The following OXR1 variants were observed in gnomAD, a reference collection of about 807,000 sequenced individuals.
OXR1 encodes the protein oxidation resistance protein 1.
OXR1 carries 41 observed loss-of-function variants against 104.6 expected under a neutral mutation model. The ratio of observed to expected loss-of-function variants is 0.39; its 90% CI spans 0.31 to 0.51. The LOEUF is 0.51. OXR1 is among the 20% of genes least tolerant of loss of function. The pLI is 0.77. For missense variants in OXR1, 955 were observed against 1,031.9 expected, an observed-to-expected ratio of 0.93 and a Z score of 1.02; for synonymous variants, 348 against 348.4, an observed-to-expected ratio of 1.00 and a Z score of 0.01.
intron 2 of OXR1, among the ~76,000 whole-genome samples, chr8:106,384,146 A>G (rs1366786362): frequency 6.6e-6 from 1 of 152,206 alleles, no homozygotes; most frequent in East Asian, 1.9e-4. Context: ...GTAAATAAAA[A>G]TAGAACTGCA....
chr8:106,542,949 TA>T (rs1815072837), intron 3 of OXR1, among the ~76,000 whole-genome samples: 2 of 152,184 alleles, frequency 1.3e-5, no homozygotes, highest in African/African-American at 4.8e-5. Flanking sequence ...TATGCTATAT[TA>T]TTTTTTGCCC....
At chr8:106,573,344 T>TACAC (rs3046716) in intron 3 of OXR1, among the ~76,000 whole-genome samples, 20,090 of 146,578 alleles carry the variant, frequency 0.14, 1,538 homozygotes, top group East Asian at 0.31. Context: ...AACCATCACA[T>TACAC]ACACACACAC....
At chr8:106,380,840 A>G (rs367908693) in intron 2 of OXR1, among the ~76,000 whole-genome samples, 1 of 152,328 alleles carries the variant, frequency 6.6e-6, no homozygotes, top group East Asian at 1.9e-4. Context: ...AGTTCTTCAT[A>G]TCTTTTAGAT....
chr8:106,585,015 G>C (rs62514878), intron 3 of OXR1, among the ~76,000 whole-genome samples: 11,898 of 152,132 alleles, frequency 0.078, 594 homozygotes, highest in Middle Eastern at 0.18. Flanking sequence ...AACTTATAAA[G>C]AGACAAAACA....
At chr8:106,490,549 G>A (rs1441705387) in intron 2 of OXR1, among the ~76,000 whole-genome samples, 1 of 152,046 alleles carries the variant, frequency 6.6e-6, no homozygotes, top group Non-Finnish European at 1.5e-5. Context: ...TATTTTTAGG[G>A]AAGATGGGGT....
At chr8:106,638,985 C>G (rs1823403311) in intron 3 of OXR1, among the ~76,000 whole-genome samples, 1 of 151,594 alleles carries the variant, frequency 6.6e-6, no homozygotes, top group African/African-American at 2.4e-5. Flanking sequence ...TTCAGCAGCT[C>G]ATGAATGGGA....
At chr8:106,673,278 A>G (rs1293169851) in intron 3 of OXR1, among the ~76,000 whole-genome samples, 4 of 152,220 alleles carry the variant, frequency 2.6e-5, no homozygotes, top group Non-Finnish European at 5.9e-5. Flanking sequence ...GGCTCTTGCT[A>G]TGCTTTACAA....
rs116521833 is a variant in OXR1, at chr8:106,634,135, G to A, written c.221-45075G>A. On this transcript the variant is annotated intron_variant, in intron 3 of 16. Transcript: ENST00000517566. ...CTCTTTGAAAGACTTACTTGAATGC[G>A]TTAACATAAGATTTTTTGAAAGTCT... Among the ~76,000 whole-genome samples the A allele has an allele frequency of 7.8e-3, 1,185 of 152,222 alleles. 16 individuals carry two copies. The highest frequency in any genetic ancestry group is 0.027 in the African/African-American group (1,123 of 41,530).
At chr8:106,390,001 G>A (rs1817530278) in intron 2 of OXR1, among the ~76,000 whole-genome samples, 1 of 152,144 alleles carries the variant, frequency 6.6e-6, no homozygotes, top group Non-Finnish European at 1.5e-5. Context: ...GGGAGGTAGA[G>A]GTTGCAGTGA....
At chr8:106,437,682 T>C (rs143333442) in intron 2 of OXR1, among the ~76,000 whole-genome samples, 160 of 152,290 alleles carry the variant, frequency 1.1e-3, no homozygotes, top group African/African-American at 3.6e-3. Flanking sequence ...GGGTTCTAAC[T>C]TTCTGAGATG....
chr8:106,373,223 G>T (rs1816778635), intron 2 of OXR1, among the ~76,000 whole-genome samples: 2 of 152,136 alleles, frequency 1.3e-5, no homozygotes, highest in Admixed American at 1.3e-4. Flanking sequence ...GGTAGGACCT[G>T]GAACCAATCC....
intron 2 of OXR1, among the ~76,000 whole-genome samples, chr8:106,378,534 A>G (rs1817000707): frequency 6.6e-6 from 1 of 152,118 alleles, no homozygotes; most frequent in Non-Finnish European, 1.5e-5. Flanking sequence ...TTTGAGACGG[A>G]GTTTCACTGT....
rs190830577 is a variant in OXR1 at position 106,472,612 on chromosome 8, A to G, written c.24-46331A>G. Among the ~76,000 whole-genome samples the G allele has an allele frequency of 1.1e-3, 174 of 152,034 alleles. No individual in the cohort carries two copies. In the Middle Eastern group the frequency reaches 0.017, roughly 15 times the overall value. On this transcript the variant is annotated intron_variant, in intron 2 of 16. Coordinates refer to ENST00000517566, the MANE Select transcript of OXR1 (RefSeq NM_001198533.2). ...CAAATTTACTGCTACAGTAAAAGGT[A>G]TGTCTACATGCAGACAACTTGCTAT...
At chr8:106,504,107 A>G (rs1388108526) in intron 2 of OXR1, among the ~76,000 whole-genome samples, 3 of 152,228 alleles carry the variant, frequency 2.0e-5, no homozygotes, top group South Asian at 4.1e-4. Flanking sequence ...AAGGGACTCA[A>G]CAGATGTTGG....
intron 16 of OXR1, among the ~76,000 whole-genome samples, chr8:106,747,801 A>C (rs1367236879): frequency 2.0e-5 from 3 of 152,250 alleles, no homozygotes; most frequent in Non-Finnish European, 4.4e-5. Flanking sequence ...GGGCTTCAGA[A>C]AATTCAGGTT....
chr8:106,506,591 A>G (rs1812182358), intron 2 of OXR1, among the ~76,000 whole-genome samples: 1 of 152,154 alleles, frequency 6.6e-6, no homozygotes. Flanking sequence ...AGCCTGGGTG[A>G]CAGAGCGAGA....
intron 1 of OXR1, among the ~76,000 whole-genome samples, chr8:106,348,272 A>T (rs13263723): frequency 0.46 from 70,278 of 151,860 alleles, 16,454 homozygotes; most frequent in African/African-American, 0.53. Context: ...ATTGAAGCAA[A>T]GTCTGAAAAG....
chr8:106,466,700 A>T (rs1221676320), intron 2 of OXR1, among the ~76,000 whole-genome samples: 1 of 151,946 alleles, frequency 6.6e-6, no homozygotes, highest in Non-Finnish European at 1.5e-5. Flanking sequence ...TACAGTTTGC[A>T]TCATGTAATT....
chr8:106,573,702 G>C (rs1004966865), intron 3 of OXR1, among the ~76,000 whole-genome samples: 14 of 152,162 alleles, frequency 9.2e-5, no homozygotes, highest in African/African-American at 3.1e-4. Context: ...TTTAAGATAA[G>C]TAAAGCAAGA....
Sources: allele counts gnomAD v4.1 joint callset (sites outside exome capture counted in the v4.1 genomes callset), GRCh38; gene constraint gnomAD v4.1.1; transcripts MANE v1.5; gene names NCBI Gene and HGNC (gene_info 2026-07-23, HGNC 2026-07-21).